Variants in SLC1A2 observed in about 807,000 individuals in gnomAD.
SLC1A2 encodes solute carrier family 1 member 2.
A neutral mutation model predicts 48.8 loss-of-function variants in SLC1A2; 15 were observed. That is an observed-to-expected ratio of 0.31 (90% CI 0.21 to 0.47). SLC1A2 has a LOEUF of 0.47. SLC1A2 is among the 20% of genes least tolerant of loss of function. The pLI, the probability that SLC1A2 is intolerant of heterozygous loss-of-function variation, is 0.99. For synonymous variants in SLC1A2, 279 were observed against 272.6 expected, an observed-to-expected ratio of 1.02 and a Z score of -0.23; for missense variants, 502 against 730.5, an observed-to-expected ratio of 0.69 and a Z score of 3.61.
At chr11:35,369,281 C>G (rs536419951) in intron 1 of SLC1A2, among the ~76,000 whole-genome samples, 4 of 152,102 alleles carry the variant, frequency 2.6e-5, no homozygotes, top group Non-Finnish European at 5.9e-5. Context: ...TCATGTAACT[C>G]GAGGTGAGGG....
chr11:35,366,157 T>G (rs976533734), intron 1 of SLC1A2, among the ~76,000 whole-genome samples: 2 of 152,164 alleles, frequency 1.3e-5, no homozygotes, highest in Non-Finnish European at 2.9e-5. Flanking sequence ...CCTGTTTTGG[T>G]TCTCAAGTAT....
chr11:35,283,840 G>C (rs1416846534), intron 8 of SLC1A2, among the ~76,000 whole-genome samples: 2 of 151,826 alleles, frequency 1.3e-5, no homozygotes, highest in Non-Finnish European at 2.9e-5. Flanking sequence ...TAACATCATG[G>C]TACTCATGAT....
chr11:35,283,377 A>G (rs1850702924), intron 8 of SLC1A2, among the ~76,000 whole-genome samples: 1 of 152,238 alleles, frequency 6.6e-6, no homozygotes, highest in African/African-American at 2.4e-5. Flanking sequence ...GGCATGAAGT[A>G]TATACACCCG....
At chr11:35,409,671 G>A (rs1855401090) in intron 1 of SLC1A2, among the ~76,000 whole-genome samples, 1 of 152,168 alleles carries the variant, frequency 6.6e-6, no homozygotes, top group South Asian at 2.1e-4. Context: ...CACTTTGGGA[G>A]GCCTAGGCGG....
chr11:35,397,298 C>A (rs1390497313), intron 1 of SLC1A2, among the ~76,000 whole-genome samples: 1 of 146,168 alleles, frequency 6.8e-6, no homozygotes. Flanking sequence ...GCTACAGTAA[C>A]CAAAACAGCA....
chr11:35,344,938 C>T (rs781767162), intron 1 of SLC1A2, among the ~76,000 whole-genome samples: 84 of 152,118 alleles, frequency 5.5e-4, no homozygotes, highest in Non-Finnish European at 1.0e-3. Flanking sequence ...CTTTTAATCT[C>T]CAGAAGGTAG....
chr11:35,306,470 C>T (rs1301638731), intron 4 of SLC1A2, among the ~76,000 whole-genome samples: 1 of 152,110 alleles, frequency 6.6e-6, no homozygotes, highest in African/African-American at 2.4e-5. Flanking sequence ...GATAATTACA[C>T]AATTTTTTAT....
chr11:35,390,993 A>T (rs2135239473), intron 1 of SLC1A2: 1 of 151,980 alleles, frequency 6.6e-6, no homozygotes, highest in South Asian at 2.1e-4. Flanking sequence ...AACTAATTTC[A>T]CCTGTTTCTC....
chr11:35,402,125 G>A (rs1855156579), intron 1 of SLC1A2, among the ~76,000 whole-genome samples: 1 of 152,192 alleles, frequency 6.6e-6, no homozygotes, highest in Admixed American at 6.6e-5. Flanking sequence ...GTCCCAAGTT[G>A]CTGGCACATA....
At chr11:35,405,835 A>G (rs7938735) in intron 1 of SLC1A2, among the ~76,000 whole-genome samples, 87,743 of 152,098 alleles carry the variant, frequency 0.58, 25,677 homozygotes, top group Middle Eastern at 0.69. Context: ...GGGATGTTCA[A>G]TTGACCACCA....
chr11:35,280,759 G>A (rs1311087984), intron 9 of SLC1A2, 108 bp downstream of exon 9: 2 of 647,138 alleles, frequency 3.1e-6, no homozygotes, highest in African/African-American at 1.9e-5. Context: ...GAAGAGTGAG[G>A]GAGTTGCCAT....
intron 6 of SLC1A2, among the ~76,000 whole-genome samples, chr11:35,294,788 G>C (rs746154425): frequency 6.6e-6 from 1 of 152,204 alleles, no homozygotes; most frequent in African/African-American, 2.4e-5. Context: ...GGACTAGAGA[G>C]AGGTAACAGT....
chr11:35,266,423 G>T (rs879641505), intron 9 of SLC1A2, among the ~76,000 whole-genome samples: 9 of 152,000 alleles, frequency 5.9e-5, no homozygotes, highest in Admixed American at 3.9e-4. Flanking sequence ...ACTTTATCTT[G>T]CTCTATTAAC....
At chr11:35,267,068 C>A (rs1052630368) in intron 9 of SLC1A2, among the ~76,000 whole-genome samples, 1 of 152,190 alleles carries the variant, frequency 6.6e-6, no homozygotes, top group Non-Finnish European at 1.5e-5. Context: ...AATGCTCTTG[C>A]GCCTCTTCTG....
chr11:35,374,988 A>G lies in SLC1A2; in HGVS notation c.17+43962T>C, dbSNP rs189030399. ...CATATTGCTTAAGAAAACAAATTTT[A>G]CCATAGTTTAATTGATACAAACAAA... On this transcript the variant is annotated intron_variant, in intron 1 of 10. Coordinates refer to ENST00000278379, the MANE Select transcript of SLC1A2 (RefSeq NM_004171.4). 3.9e-4 allele frequency among the ~76,000 whole-genome samples: 60 copies of G among 152,320 alleles called. 1 individual carries two copies. The East Asian group carries it at 9.4e-3, about 24-fold the overall frequency.
At position 35,355,782 on chromosome 11, in the gene SLC1A2, G is replaced by A. The variant is rs144954548; in HGVS notation, c.18-38266C>T. 7.2e-3 allele frequency among the ~76,000 whole-genome samples: 1,101 copies of A among 152,136 alleles called. 15 individuals carry two copies. The highest frequency in any genetic ancestry group is 0.025 in the African/African-American group (1,042 of 41,470). ...TGCCTGTAATCCCAGCTACTCGGGA[G>A]GCTGAGGCAGGAGAATCACTTGAAC... On this transcript the variant is annotated intron_variant, in intron 1 of 10. Coordinates refer to ENST00000278379, the MANE Select transcript of SLC1A2 (RefSeq NM_004171.4).
intron 1 of SLC1A2, among the ~76,000 whole-genome samples, chr11:35,414,312 C>G (rs575532773): frequency 6.6e-6 from 1 of 152,256 alleles, no homozygotes; most frequent in African/African-American, 2.4e-5. Context: ...TTTCATTCTC[C>G]TTTAATACTG....
chr11:35,347,116 C>T (rs956219344), intron 1 of SLC1A2, among the ~76,000 whole-genome samples: 1 of 151,982 alleles, frequency 6.6e-6, no homozygotes, highest in Non-Finnish European at 1.5e-5. Context: ...AGAAAACAGA[C>T]AAGAAAAAAG....
chr11:35,405,360 A>T (rs10836391), intron 1 of SLC1A2, among the ~76,000 whole-genome samples: 87,585 of 151,880 alleles, frequency 0.58, 25,629 homozygotes, highest in Middle Eastern at 0.69. Flanking sequence ...TCAATTTAAC[A>T]ACAACGTTGT....
Sources: allele counts gnomAD v4.1 joint callset (sites outside exome capture counted in the v4.1 genomes callset), GRCh38; gene constraint gnomAD v4.1.1; transcripts MANE v1.5; gene names NCBI Gene and HGNC (gene_info 2026-07-23, HGNC 2026-07-21).